RMDN3: variants seen among roughly 807,000 people sequenced by gnomAD.
RMDN3 encodes the protein regulator of microtubule dynamics 3.
RMDN3 carries 41 observed loss-of-function variants against 61.8 expected under a neutral mutation model. The ratio of observed to expected loss-of-function variants is 0.66; its 90% CI spans 0.52 to 0.86. The LOEUF is 0.86. Ranked by LOEUF, RMDN3 falls within the 40% of genes least tolerant of loss-of-function variation. RMDN3 has a pLI of 0.00. For missense variants in RMDN3, 557 were observed against 585.3 expected (o/e 0.95, Z 0.50); for synonymous variants, 247 against 232.0 (o/e 1.06, Z -0.59).
chr15:40,752,241 A>C, intron 2 of RMDN3, 63 bp from the exon 3 acceptor site: 1 of 1,511,708 alleles, frequency 6.6e-7, no homozygotes, highest in Non-Finnish European at 9.0e-7. Context: ...GAGATCTCAC[A>C]CCCAGAATTC....
At chr15:40,741,084 AAC>A (rs1200636082) in intron 6 of RMDN3, among the ~76,000 whole-genome samples, 1 of 94,570 alleles carries the variant, frequency 1.1e-5, no homozygotes, top group African/African-American at 4.1e-5. Flanking sequence ...CCTCAAAAAA[AAC>A]AACAACAACG....
chr15:40,745,064 G>A lies in RMDN3; in HGVS notation c.720C>T (p.Pro240=). Residue 240 remains proline, a synonymous_variant, in exon 5 of 13, where the codon CCC becomes CCT. Coordinates refer to ENST00000338376, the MANE Select transcript of RMDN3 (RefSeq NM_018145.3). ...GGSSGLEDVL[P]LLQQADELHR... ...GCAGCTCGTCGGCCTGCTGCAGGAG[G>A]GGCAGCACATCCTCCAAGCCTGAGG... The A allele has an allele frequency of 1.2e-6, 2 of 1,614,056 alleles. No homozygotes were observed. Among genetic ancestry groups the A allele is most frequent in the Non-Finnish European group, 1.7e-6 (2 of 1,179,984 alleles).
intron 4 of RMDN3, among the ~76,000 whole-genome samples, chr15:40,747,207 A>C (rs1897608646): frequency 6.6e-6 from 1 of 152,192 alleles, no homozygotes; most frequent in South Asian, 2.1e-4. Context: ...CTCTGCCTCC[A>C]GCACTCCCAG....
intron 4 of RMDN3, 145 bp from the exon 5 acceptor site, chr15:40,745,404 CTTTT>C (rs1037310449): frequency 1.9e-6 from 1 of 529,252 alleles, no homozygotes; most frequent in Non-Finnish European, 3.1e-6. Context: ...TAAGGGCAGA[CTTTT>C]TTTCTTTTTT....
chr15:40,747,339 G>C (rs1423267588), intron 4 of RMDN3, among the ~76,000 whole-genome samples: 4 of 152,236 alleles, frequency 2.6e-5, no homozygotes, highest in African/African-American at 9.6e-5. Context: ...AGAGAGGTCA[G>C]GGAGCCTTGC....
intron 6 of RMDN3, among the ~76,000 whole-genome samples, chr15:40,742,925 G>C (rs1440573072): frequency 1.3e-5 from 2 of 152,192 alleles, no homozygotes; most frequent in Non-Finnish European, 2.9e-5. Flanking sequence ...TCATAAATAA[G>C]CATCTTTTGT....
rs777968234 is a variant in RMDN3 at position 40,751,998 on chromosome 15, A to G, written c.368T>C (p.Val123Ala). The change falls in exon 3 of 13, where the codon GTT becomes GCT. Residue 123 changes from valine to alanine, a missense_variant. Coordinates refer to ENST00000338376, the MANE Select transcript of RMDN3 (RefSeq NM_018145.3). ...SSLRGLAGEI[V>A]GEVRCHMEEN... ...CCGCATTACTCACCGGACCTCCCCAACAATCTCCCCCGCAAGCCCTCGCAG... is the reference window on the plus strand; with the variant it reads ...CCGCATTACTCACCGGACCTCCCCAGCAATCTCCCCCGCAAGCCCTCGCAG... 9 of 1,613,790 alleles carry G rather than the reference A, an allele frequency of 5.6e-6. No individual in the cohort carries two copies. The African/African-American group carries it at 6.7e-5, about 12-fold the overall frequency.
At chr15:40,752,319 G>A (rs1897865131) in intron 2 of RMDN3, 141 bp from the exon 3 acceptor site, 2 of 823,500 alleles carry the variant, frequency 2.4e-6, no homozygotes, top group African/African-American at 3.5e-5. Context: ...TCACAGCCAG[G>A]TCATGGTAAC....
chr15:40,752,475 G>A (rs980715896), intron 2 of RMDN3, among the ~76,000 whole-genome samples: 2 of 142,820 alleles, frequency 1.4e-5, no homozygotes, highest in Admixed American at 1.5e-4. Flanking sequence ...GAGGACAGCT[G>A]TCCTGCTAGA....
At chr15:40,746,814 C>A (rs1319127815) in intron 4 of RMDN3, among the ~76,000 whole-genome samples, 1 of 152,100 alleles carries the variant, frequency 6.6e-6, no homozygotes, top group Admixed American at 6.6e-5. Context: ...GTATTTAAAA[C>A]CTTTCCTAAC....
intron 3 of RMDN3, 198 bp from the exon 4 acceptor site, chr15:40,751,767 CAG>C (rs947876189): frequency 3.5e-6 from 3 of 857,064 alleles, no homozygotes; most frequent in African/African-American, 3.4e-5. Flanking sequence ...GTTAGGCAAA[CAG>C]AGCGCTTCAG....
At chr15:40,750,109 CCA>C (rs1897749253) in intron 4 of RMDN3, among the ~76,000 whole-genome samples, 1 of 151,922 alleles carries the variant, frequency 6.6e-6, no homozygotes, top group Non-Finnish European at 1.5e-5. Context: ...ACTCTGTCAC[CCA>C]GGCTGGAGTG....
chr15:40,738,719 G>A (rs779096866), intron 7 of RMDN3, 143 bp from the exon 8 acceptor site: 39 of 730,230 alleles, frequency 5.3e-5, no homozygotes, highest in African/African-American at 1.9e-4. Context: ...TCATCTGTAC[G>A]TAATCCCCAT....
In RMDN3 at chr15:40,746,882, A is replaced by G. The variant is rs544021107; in HGVS notation, c.525-1623T>C. Reference sequence around the variant, plus strand: ...AGATTTCCCCTTTAGTTATTAGAAAAAAAAAAAAACACCTTTAGAAATCAA... The same window carrying G: ...AGATTTCCCCTTTAGTTATTAGAAAGAAAAAAAAACACCTTTAGAAATCAA... On this transcript the variant is annotated intron_variant, in intron 4 of 12. Transcript: ENST00000338376. Among the ~76,000 whole-genome samples the G allele has an allele frequency of 9.9e-5, 15 of 152,272 alleles. 1 individual carries two copies. The South Asian group carries it at 2.9e-3, about 29-fold the overall frequency.
chr15:40,741,715 C>T (rs548218100), intron 6 of RMDN3, among the ~76,000 whole-genome samples: 19 of 146,412 alleles, frequency 1.3e-4, no homozygotes, highest in East Asian at 4.3e-4. Context: ...CCGCAACCTC[C>T]GCCTCCAGGT....
intron 4 of RMDN3, among the ~76,000 whole-genome samples, chr15:40,748,827 T>C (rs921104033): frequency 1.3e-5 from 2 of 151,996 alleles, no homozygotes; most frequent in African/African-American, 2.4e-5. Flanking sequence ...CTCGAACTCC[T>C]GACCTCAAGT....
intron 4 of RMDN3, among the ~76,000 whole-genome samples, chr15:40,749,661 T>G (rs1254507595): frequency 6.6e-6 from 1 of 152,242 alleles, no homozygotes; most frequent in East Asian, 1.9e-4. Flanking sequence ...CTTCCTTGGG[T>G]TGCAGAGATG....
intron 4 of RMDN3, among the ~76,000 whole-genome samples, chr15:40,748,825 C>G (rs975176613): frequency 6.6e-6 from 1 of 152,054 alleles, no homozygotes; most frequent in South Asian, 2.1e-4. Flanking sequence ...GTCTCGAACT[C>G]CTGACCTCAA....
chr15:40,751,222 C>G (rs565378342), intron 4 of RMDN3, among the ~76,000 whole-genome samples: 84 of 152,340 alleles, frequency 5.5e-4, no homozygotes, highest in African/African-American at 2.0e-3. Context: ...ATAACAGATG[C>G]AAGCAATAAC....
Sources: allele counts gnomAD v4.1 joint callset (sites outside exome capture counted in the v4.1 genomes callset), GRCh38; gene constraint gnomAD v4.1.1; transcripts MANE v1.5; gene names NCBI Gene and HGNC (gene_info 2026-07-23, HGNC 2026-07-21).